Variants in P2RY8 observed in about 807,000 individuals in gnomAD.
The protein encoded by P2RY8 is P2Y receptor family member 8.
Under a neutral mutation model 10.0 loss-of-function variants are expected in P2RY8, and 6 were observed. That is an observed-to-expected ratio of 0.60 (90% CI 0.33 to 1.19). The LOEUF (loss-of-function observed/expected upper bound fraction) is 1.19. Among genes scored for constraint, P2RY8 ranks in the 50% most tolerant of loss-of-function variants. The pLI, the probability that P2RY8 is intolerant of heterozygous loss-of-function variation, is 0.04. For synonymous variants in P2RY8, 276 were observed against 252.5 expected, an observed-to-expected ratio of 1.09 and a Z score of -0.88; for missense variants, 456 against 542.0, an observed-to-expected ratio of 0.84 and a Z score of 1.58.
chrX:1,510,626 C>T (rs1234951208), intron 1 of P2RY8, among the ~76,000 whole-genome samples: 2 of 152,116 alleles, frequency 1.3e-5, no homozygotes, highest in African/African-American at 4.8e-5. Flanking sequence ...GCCTGTAATA[C>T]CAGCACTTTG....
intron 1 of P2RY8, among the ~76,000 whole-genome samples, chrX:1,470,321 T>G (rs1215648210): frequency 6.6e-6 from 1 of 151,872 alleles, no homozygotes; most frequent in Non-Finnish European, 1.5e-5. Context: ...AGACCAGCCT[T>G]CCCAACATGG....
intron 1 of P2RY8, among the ~76,000 whole-genome samples, chrX:1,496,968 C>A (rs1375713459): frequency 3.3e-5 from 5 of 150,348 alleles, no homozygotes; most frequent in Non-Finnish European, 1.5e-5. Context: ...CCTGTAATCC[C>A]AGCACTTTGG....
chrX:1,476,662 T>C (rs1214604015), intron 1 of P2RY8, among the ~76,000 whole-genome samples: 1 of 151,434 alleles, frequency 6.6e-6, no homozygotes, highest in Non-Finnish European at 1.5e-5. Context: ...TGATGCCAGG[T>C]CTAGAAGAAC....
rs180769023 is a variant in P2RY8, at chrX:1,502,592, G to T, written c.-25+34329C>A. Among the ~76,000 whole-genome samples, 266 of 152,300 alleles carry T rather than the reference G, an allele frequency of 1.7e-3. 1 individual carries two copies. The highest frequency in any genetic ancestry group is 6.2e-3 in the African/African-American group (257 of 41,574). Reference sequence around the variant, plus strand: ...ACCCAGATCGAGGGCCTCCCATGCTGGGTTGGATGGTGGCCCCCAGAGATA... The same window carrying T: ...ACCCAGATCGAGGGCCTCCCATGCTTGGTTGGATGGTGGCCCCCAGAGATA... On this transcript the variant is annotated intron_variant, in intron 1 of 1. Transcript: ENST00000381297.
At chrX:1,514,813 CTTTCCTTCCCT>C (rs2092331772) in intron 1 of P2RY8, among the ~76,000 whole-genome samples, 2 of 103,294 alleles carry the variant, frequency 1.9e-5, no homozygotes, top group African/African-American at 7.7e-5. Flanking sequence ...CCTTCCTTTC[CTTTCCTTCCCT>C]TTCCCTTTCC....
intron 1 of P2RY8, among the ~76,000 whole-genome samples, chrX:1,508,767 C>T (rs1395972033): frequency 7.1e-6 from 1 of 141,736 alleles, no homozygotes; most frequent in Non-Finnish European, 1.5e-5. Flanking sequence ...TATTATCTAT[C>T]TATCATCTAT....
At chrX:1,514,696 T>C (rs866767694) in intron 1 of P2RY8, among the ~76,000 whole-genome samples, 34 of 4,786 alleles carry the variant, frequency 7.1e-3, no homozygotes, top group East Asian at 0.25. Context: ...CTTCCCTTCC[T>C]TCCCTTCCTT....
At chrX:1,484,577 A>G (rs1470764435) in intron 1 of P2RY8, among the ~76,000 whole-genome samples, 7 of 151,662 alleles carry the variant, frequency 4.6e-5, no homozygotes, top group African/African-American at 1.2e-4. Flanking sequence ...ATACAAAAAA[A>G]ATTAGCCGGG....
At chrX:1,496,068 C>G (rs759598317) in intron 1 of P2RY8, among the ~76,000 whole-genome samples, 1 of 152,340 alleles carries the variant, frequency 6.6e-6, no homozygotes, top group Non-Finnish European at 1.5e-5. Context: ...TGTTTACAGT[C>G]CACCCAGTTT....
At chrX:1,470,482 G>A (rs1255101626) in intron 1 of P2RY8, among the ~76,000 whole-genome samples, 1 of 152,008 alleles carries the variant, frequency 6.6e-6, no homozygotes, top group Non-Finnish European at 1.5e-5. Context: ...TCACACCATT[G>A]CACTCCAGCC....
rs1356895903 is a variant in P2RY8, at chrX:1,533,958, TTA to T, written c.-25+2961_-25+2962del. Among the ~76,000 whole-genome samples the T allele has an allele frequency of 3.2e-5, 4 of 124,000 alleles. No homozygotes were observed. The South Asian group carries it at 9.9e-4, about 31-fold the overall frequency. 81.3% of individuals were successfully genotyped at this position (124,000 alleles called of 152,430 possible). A position where few individuals can be genotyped will look rare whatever the true frequency, so the allele number is the denominator to read the frequency against. ...TATTTATTATTTACATATTACATAG[TTA>T]TATATTTATAACTTAAATATATTAT... On this transcript the variant is annotated intron_variant, in intron 1 of 1. Transcript: ENST00000381297.
chrX:1,494,424 A>G (rs1245889798), intron 1 of P2RY8: 2 of 152,172 alleles, frequency 1.3e-5, no homozygotes, highest in African/African-American at 2.4e-5. Context: ...GAGCAACAAT[A>G]GATGGAAAAG....
At chrX:1,496,707 C>T (rs750934254) in intron 1 of P2RY8, among the ~76,000 whole-genome samples, 2 of 150,196 alleles carry the variant, frequency 1.3e-5, no homozygotes, top group African/African-American at 4.9e-5. Flanking sequence ...TTCTTTCTTT[C>T]TTTTTTGTGA....
At chrX:1,521,780 A>T (rs181898979) in intron 1 of P2RY8, among the ~76,000 whole-genome samples, 116 of 150,730 alleles carry the variant, frequency 7.7e-4, no homozygotes, top group Non-Finnish European at 1.5e-3. Flanking sequence ...GGTTTCAGAA[A>T]CTCCCCTTCC....
At chrX:1,523,470 C>G (rs2092407541) in intron 1 of P2RY8, among the ~76,000 whole-genome samples, 1 of 152,064 alleles carries the variant, frequency 6.6e-6, no homozygotes, top group East Asian at 1.9e-4. Context: ...GTAGCGGTAT[C>G]AATACTTTCT....
At chrX:1,508,763 C>CTAT (rs1460566740) in intron 1 of P2RY8, among the ~76,000 whole-genome samples, 5 of 141,444 alleles carry the variant, frequency 3.5e-5, no homozygotes, top group African/African-American at 1.3e-4. Flanking sequence ...TTTCTATTAT[C>CTAT]TATCTATCAT....
rs755676836 is a variant in P2RY8, at chrX:1,497,146, C to T, written c.-24-30564G>A. Among the ~76,000 whole-genome samples, 170 of 141,432 alleles carry T rather than the reference C, an allele frequency of 1.2e-3. 1 individual carries two copies. Among genetic ancestry groups the T allele is most frequent in the African/African-American group, 4.3e-3 (160 of 37,100 alleles). 92.8% of individuals were successfully genotyped at this position (141,432 alleles called of 152,430 possible). A position where few individuals can be genotyped will look rare whatever the true frequency, so the allele number is the denominator to read the frequency against. On this transcript the variant is annotated intron_variant, in intron 1 of 1. Transcript: ENST00000381297. The stretch of plus-strand genomic sequence containing the variant: ...CTGAGGCAGGAGAATCACTTCAACC[C>T]GGGAGGTGGAGGTTGCAGTGAGCTG...
intron 1 of P2RY8, among the ~76,000 whole-genome samples, chrX:1,519,493 C>T (rs2092375674): frequency 6.6e-6 from 1 of 151,996 alleles, no homozygotes; most frequent in African/African-American, 2.4e-5. Context: ...CTCTGGTCCC[C>T]AATCATCTTT....
intron 1 of P2RY8, among the ~76,000 whole-genome samples, chrX:1,509,282 C>T (rs1333327614): frequency 1.3e-5 from 2 of 150,132 alleles, no homozygotes; most frequent in South Asian, 2.1e-4. Flanking sequence ...ATCTATCCAT[C>T]ATCTATGTAT....
Sources: gnomAD v4.1 joint callset for allele counts (sites outside exome capture counted in the v4.1 genomes callset) on GRCh38, gnomAD v4.1.1 for gene constraint, MANE v1.5 for transcripts, NCBI Gene and HGNC (gene_info 2026-07-23, HGNC 2026-07-21) for gene names.